EIF4E3: variants seen among roughly 807,000 people sequenced by gnomAD.
EIF4E3 encodes eukaryotic translation initiation factor 4E type 3.
A neutral mutation model predicts 31.7 loss-of-function variants in EIF4E3; 26 were observed. That is an observed-to-expected ratio of 0.82 (90% CI 0.60 to 1.14). EIF4E3 has a LOEUF of 1.14. Ranked by LOEUF, EIF4E3 falls within the 50% of genes most tolerant of loss-of-function variation. EIF4E3 has a pLI of 0.00. For missense variants in EIF4E3, 304 were observed against 270.9 expected, an observed-to-expected ratio of 1.12 and a Z score of -0.86; for synonymous variants, 128 against 107.7, an observed-to-expected ratio of 1.19 and a Z score of -1.17.
At chr3:71,753,762 T>C (rs1415039968), upstream of EIF4E3, 2 of 154,040 alleles carry the variant, frequency 1.3e-5, no homozygotes, top group Non-Finnish European at 2.8e-5. Flanking sequence ...CGGAGGAGGA[T>C]GCGGGGGGCT....
chr3:71,729,085 T>C (rs1016516019), upstream of EIF4E3: 1 of 152,208 alleles, frequency 6.6e-6, no homozygotes, highest in Non-Finnish European at 1.5e-5. Flanking sequence ...TGAGCACTCA[T>C]ATGCAATTAG....
At chr3:71,687,253 C>T (rs780629780) in intron 6 of EIF4E3, among the ~76,000 whole-genome samples, 44 of 152,234 alleles carry the variant, frequency 2.9e-4, no homozygotes, top group Non-Finnish European at 3.1e-4. Flanking sequence ...CTGCCTGCCT[C>T]GGCCTCCCAA....
chr3:71,739,397 C>A (rs1418541908), intron 1 of EIF4E3, among the ~76,000 whole-genome samples: 2 of 152,036 alleles, frequency 1.3e-5, no homozygotes, highest in Non-Finnish European at 2.9e-5. Flanking sequence ...TAAATCAACA[C>A]CATAAGAAAT....
intron 2 of EIF4E3, among the ~76,000 whole-genome samples, chr3:71,709,587 C>T (rs920773935): frequency 6.6e-6 from 1 of 152,026 alleles, no homozygotes. Flanking sequence ...GTCTATGTTG[C>T]CCAGGCTGCT....
At position 71,677,375 on chromosome 3, in the gene EIF4E3, T is replaced by C. The variant is rs970392807; in HGVS notation, c.*7307A>G. On this transcript the variant is annotated 3_prime_UTR_variant, in exon 7 of 7. Coordinates refer to ENST00000425534, the MANE Select transcript of EIF4E3 (RefSeq NM_001134651.2). ...CGAAAAGCAGTTAAAAGTTCTTTAA[T>C]AGCAGTTACTGCAGCGAAAGGATCA... 3 of 152,196 alleles carry C rather than the reference T, an allele frequency of 2.0e-5. No individual in the cohort carries two copies. The highest frequency in any genetic ancestry group is 7.2e-5 in the African/African-American group (3 of 41,444). 9.4% of individuals were successfully genotyped at this position (152,196 alleles called of 1,614,324 possible). A position where few individuals can be genotyped will look rare whatever the true frequency, so the allele number is the denominator to read the frequency against.
chr3:71,716,094 C>G (rs1487493277), intron 1 of EIF4E3, among the ~76,000 whole-genome samples: 2 of 152,208 alleles, frequency 1.3e-5, no homozygotes, highest in Non-Finnish European at 2.9e-5. Flanking sequence ...CACCATATAT[C>G]TAGCCACACT....
At chr3:71,670,080 C>T in the EIF4E3 span, among the ~76,000 whole-genome samples, 1 of 152,220 alleles carries the variant, frequency 6.6e-6, no homozygotes, top group Non-Finnish European at 1.5e-5. Context: ...GAATATTTGT[C>T]TATCAGCGGG....
At chr3:71,700,522 G>A (rs1268575365) in intron 2 of EIF4E3, among the ~76,000 whole-genome samples, 7 of 151,550 alleles carry the variant, frequency 4.6e-5, no homozygotes, top group Middle Eastern at 3.4e-3. Context: ...GCTGAGGCAG[G>A]AGAATCACTT....
intron 1 of EIF4E3, among the ~76,000 whole-genome samples, chr3:71,735,812 A>G (rs1210040404): frequency 6.6e-6 from 1 of 152,134 alleles, no homozygotes; most frequent in East Asian, 1.9e-4. Flanking sequence ...CCTCCCTCCA[A>G]AAAATGAGAA....
intron 3 of EIF4E3, among the ~76,000 whole-genome samples, chr3:71,699,164 C>G (rs1414659217): frequency 6.6e-6 from 1 of 152,028 alleles, no homozygotes; most frequent in Non-Finnish European, 1.5e-5. Flanking sequence ...GAGGTCAAGG[C>G]TGTGGTGAGC....
chr3:71,702,450 G>C (rs1214475823), intron 2 of EIF4E3, among the ~76,000 whole-genome samples: 1 of 152,124 alleles, frequency 6.6e-6, no homozygotes, highest in Non-Finnish European at 1.5e-5. Context: ...CCTAGTACTT[G>C]AAGCACACTG....
chr3:71,736,676 A>G (rs1357706372), intron 1 of EIF4E3, among the ~76,000 whole-genome samples: 12 of 152,234 alleles, frequency 7.9e-5, no homozygotes, highest in Non-Finnish European at 1.8e-4. Flanking sequence ...GAATAGGCGG[A>G]GCAAAGATTT....
chr3:71,693,650 A>G (rs1193920879), intron 5 of EIF4E3, among the ~76,000 whole-genome samples: 5 of 152,220 alleles, frequency 3.3e-5, no homozygotes, highest in African/African-American at 1.2e-4. Context: ...ATATACATAC[A>G]TATATAAATA....
At chr3:71,686,543 A>AGTGT (rs61264269) in intron 6 of EIF4E3, among the ~76,000 whole-genome samples, 16,948 of 143,464 alleles carry the variant, frequency 0.12, 1,179 homozygotes, top group East Asian at 0.25. Flanking sequence ...TTTCACATTG[A>AGTGT]GTGTGTGTGT....
chr3:71,694,853 A>ATTG (rs2049113038), intron 4 of EIF4E3, among the ~76,000 whole-genome samples: 1 of 152,210 alleles, frequency 6.6e-6, no homozygotes, highest in Non-Finnish European at 1.5e-5. Flanking sequence ...ACAAGTGTGC[A>ATTG]CAAAGGGCTT....
upstream of EIF4E3, chr3:71,754,449 C>A: frequency 7.5e-7 from 1 of 1,337,514 alleles, no homozygotes; most frequent in South Asian, 1.8e-5. This position sits in a 1 kb window ranked among gnomAD's most constrained non-coding sequence, Gnocchi z 5.8. Flanking sequence ...TGCAGAGCGC[C>A]TGGCCGGCTG....
chr3:71,695,428 A>T (rs13066812), intron 4 of EIF4E3, among the ~76,000 whole-genome samples: 1 of 152,244 alleles, frequency 6.6e-6, no homozygotes, highest in African/African-American at 2.4e-5. Flanking sequence ...CATCATGATT[A>T]CTTCTACTAG....
chr3:71,728,865 G>A (rs894287280), upstream of EIF4E3: 5 of 152,234 alleles, frequency 3.3e-5, no homozygotes, highest in Non-Finnish European at 5.9e-5. Flanking sequence ...TTTTCCAAAT[G>A]AGAAAAGAAA....
At chr3:71,754,080 G>A (rs1230643541), upstream of EIF4E3, 6 of 1,316,390 alleles carry the variant, frequency 4.6e-6, no homozygotes, top group Non-Finnish European at 5.9e-6. The surrounding 1 kb of genome is among the most constrained non-coding windows in gnomAD (Gnocchi z 5.8). Context: ...GGGTGGCAGC[G>A]GCGGCGGCGA....
Sources: gnomAD v4.1 joint callset for allele counts (sites outside exome capture counted in the v4.1 genomes callset) on GRCh38, gnomAD v4.1.1 for gene constraint, Gnocchi (gnomAD v3.1) non-coding constraint, MANE v1.5 for transcripts, NCBI Gene and HGNC (gene_info 2026-07-23, HGNC 2026-07-21) for gene names.